The following CYP20A1 variants were observed in gnomAD, a reference collection of about 807,000 sequenced individuals.
CYP20A1 encodes the protein cytochrome P450 family 20 subfamily A member 1.
Under a neutral mutation model 61.4 loss-of-function variants are expected in CYP20A1, and 61 were observed. The ratio of observed to expected loss-of-function variants is 0.99; its 90% CI spans 0.81 to 1.23. The LOEUF is 1.23. Ranked by LOEUF, CYP20A1 falls within the 50% of genes most tolerant of loss-of-function variation. The probability of loss-of-function intolerance (pLI) is 0.00; values close to 1 mark genes in which losing one functional copy is unlikely to be tolerated. For synonymous variants in CYP20A1, 193 were observed against 188.2 expected, an observed-to-expected ratio of 1.03 and a Z score of -0.21; for missense variants, 530 against 542.4, an observed-to-expected ratio of 0.98 and a Z score of 0.23.
At chr2:203,271,236 C>A (rs189920248) in intron 5 of CYP20A1, among the ~76,000 whole-genome samples, 1 of 150,068 alleles carries the variant, frequency 6.7e-6, no homozygotes, top group Non-Finnish European at 1.5e-5. Context: ...TACAGGTGCC[C>A]GCCACCACGC....
chr2:203,295,290 G>A (rs989572045), intron 11 of CYP20A1, among the ~76,000 whole-genome samples: 1 of 151,672 alleles, frequency 6.6e-6, no homozygotes, highest in Non-Finnish European at 1.5e-5. Context: ...GCCCAGGCTG[G>A]TCTCGAATTC....
intron 8 of CYP20A1, among the ~76,000 whole-genome samples, chr2:203,280,676 G>A (rs1217347068): frequency 6.6e-6 from 1 of 152,204 alleles, no homozygotes; most frequent in Non-Finnish European, 1.5e-5. Flanking sequence ...ATTCCAGCCT[G>A]GGCAACAGAG....
intron 5 of CYP20A1, among the ~76,000 whole-genome samples, chr2:203,271,105 T>TTTTTTTTTA (rs2067578651): frequency 1.8e-5 from 2 of 111,584 alleles, no homozygotes; most frequent in Non-Finnish European, 3.5e-5. Context: ...TTTTTTTTTT[T>TTTTTTTTTA]GAGACGGAGT....
At chr2:203,247,117 C>T (rs993609622) in intron 3 of CYP20A1, among the ~76,000 whole-genome samples, 196 bp downstream of exon 3, 2 of 151,880 alleles carry the variant, frequency 1.3e-5, no homozygotes, top group Non-Finnish European at 2.9e-5. Context: ...AAACACTAGT[C>T]GGGTGTGGTG....
intron 11 of CYP20A1, among the ~76,000 whole-genome samples, chr2:203,292,585 A>C (rs2068583784): frequency 6.6e-6 from 1 of 152,054 alleles, no homozygotes; most frequent in Non-Finnish European, 1.5e-5. Flanking sequence ...CAGCCACCTA[A>C]GTAGCTAGGA....
intron 3 of CYP20A1, among the ~76,000 whole-genome samples, chr2:203,248,999 C>T (rs2066562574): frequency 6.6e-6 from 1 of 152,186 alleles, no homozygotes; most frequent in Non-Finnish European, 1.5e-5. Context: ...GTGTGAGCCA[C>T]TTCACCTGGC....
rs751765859 is a variant in CYP20A1, at chr2:203,285,685, A to G, written c.924A>G (p.Gln308=). The G allele has an allele frequency of 7.5e-6, 12 of 1,605,396 alleles. No individual in the cohort carries two copies. In the Admixed American group the frequency reaches 1.4e-4, roughly 19 times the overall value. ...VQKKLYEEIN[Q]VFGNGPVTPE... is the part of the protein sequence containing the mutation. ...AAAAATTATATGAAGAGATAAACCA[A>G]GTTTTTGGAAATGGTCCTGTTACTC... Residue 308 remains glutamine (Q), a synonymous_variant, in exon 9 of 13, where the codon CAA becomes CAG. Coordinates refer to ENST00000356079, the MANE Select transcript of CYP20A1 (RefSeq NM_177538.3).
intron 4 of CYP20A1, among the ~76,000 whole-genome samples, chr2:203,264,984 C>T (rs201364189): frequency 6.6e-6 from 1 of 152,198 alleles, no homozygotes; most frequent in African/African-American, 2.4e-5. Flanking sequence ...CCACCTCGGC[C>T]TCCCAAAGTG....
intron 5 of CYP20A1, among the ~76,000 whole-genome samples, chr2:203,270,416 G>A (rs1031678580): frequency 3.3e-5 from 5 of 151,460 alleles, no homozygotes; most frequent in Admixed American, 3.3e-4. Context: ...TGGGCTCAGG[G>A]GATCCTCTGA....
intron 1 of CYP20A1, among the ~76,000 whole-genome samples, chr2:203,239,674 A>C (rs1318363836): frequency 6.6e-6 from 1 of 152,120 alleles, no homozygotes; most frequent in African/African-American, 2.4e-5. Context: ...GCTCCAGGCA[A>C]ATGCTTCTTT....
At position 203,302,556 on chromosome 2, in the gene CYP20A1, CTT is replaced by C. The variant is rs1484184463; in HGVS notation, c.*5652_*5653del. 6.6e-6 allele frequency among the ~76,000 whole-genome samples: 1 copy of C among 152,054 alleles called. No homozygotes were observed. Among genetic ancestry groups the C allele is most frequent in the Non-Finnish European group, 1.5e-5 (1 of 68,012 alleles). ...CTCAAAAGATTCTAATATAGATACTCTTTTTATGCATATGTAATTTATATATA... is the reference window on the plus strand; with the variant it reads ...CTCAAAAGATTCTAATATAGATACTCTTTATGCATATGTAATTTATATATA... On this transcript the variant is annotated 3_prime_UTR_variant, in exon 13 of 13. Transcript: ENST00000356079.
chr2:203,278,542 A>G (rs771976898), intron 6 of CYP20A1, 31 bp from the exon 7 acceptor site: 3 of 1,094,722 alleles, frequency 2.7e-6, no homozygotes, highest in Non-Finnish European at 2.7e-6. Flanking sequence ...TAATGCTTGT[A>G]TTCTAAAATT....
rs570488629 is a variant in CYP20A1, at chr2:203,260,422, A to C, written c.433-6092A>C. ...TTTTTAGTAGAGACGGAGTTTCACCATGTTGGCCAGGCTGGTCTTGAACTC... is the reference window on the plus strand; with the variant it reads ...TTTTTAGTAGAGACGGAGTTTCACCCTGTTGGCCAGGCTGGTCTTGAACTC... On this transcript the variant is annotated intron_variant, in intron 4 of 12. Transcript: ENST00000356079. Among the ~76,000 whole-genome samples the C allele has an allele frequency of 3.3e-4, 50 of 151,504 alleles. 1 individual carries two copies. Among genetic ancestry groups the C allele is most frequent in the African/African-American group, 1.1e-3 (45 of 41,238 alleles).
chr2:203,273,400 A>G (rs976193651), intron 6 of CYP20A1, among the ~76,000 whole-genome samples: 1 of 152,196 alleles, frequency 6.6e-6, no homozygotes, highest in Admixed American at 6.5e-5. Flanking sequence ...ATTCATGAAG[A>G]TATTTTTGTA....
At chr2:203,282,577 C>T (rs545499500) in intron 8 of CYP20A1, among the ~76,000 whole-genome samples, 25 of 152,040 alleles carry the variant, frequency 1.6e-4, no homozygotes, top group African/African-American at 4.3e-4. Flanking sequence ...ACTTGTGCTC[C>T]GGACACCAAG....
At chr2:203,271,315 C>T (rs1336525623) in intron 5 of CYP20A1, among the ~76,000 whole-genome samples, 1 of 150,842 alleles carries the variant, frequency 6.6e-6, no homozygotes, top group Non-Finnish European at 1.5e-5. Flanking sequence ...GTCTTGAACT[C>T]CTGATCTCGT....
chr2:203,285,566 C>T, intron 8 of CYP20A1, 46 bp from the exon 9 acceptor site: 1 of 1,484,906 alleles, frequency 6.7e-7, no homozygotes, highest in Non-Finnish European at 8.9e-7. Flanking sequence ...ATACCCAAGC[C>T]ATGAGTTAGC....
At position 203,285,025 on chromosome 2, in the gene CYP20A1, G is replaced by A. The variant is rs1031268206; in HGVS notation, c.851-587G>A. On this transcript the variant is annotated intron_variant, in intron 8 of 12. Coordinates refer to ENST00000356079, the MANE Select transcript of CYP20A1 (RefSeq NM_177538.3). Reference sequence around the variant, plus strand: ...ATTCCCTCCCAAAGTGATCCCCTCCGTGTGATCCCCTCCCGAAGTGCTGGG... The same window carrying A: ...ATTCCCTCCCAAAGTGATCCCCTCCATGTGATCCCCTCCCGAAGTGCTGGG... Among the ~76,000 whole-genome samples, 8 of 151,964 alleles carry A rather than the reference G, an allele frequency of 5.3e-5. No homozygotes were observed. In the East Asian group the frequency reaches 1.2e-3, roughly 22 times the overall value.
At chr2:203,260,967 A>C (rs1016252910) in intron 4 of CYP20A1, among the ~76,000 whole-genome samples, 2 of 150,650 alleles carry the variant, frequency 1.3e-5, no homozygotes, top group East Asian at 3.9e-4. Context: ...CTTTTTTCTT[A>C]TTCTTTTTTT....
Sources: allele counts gnomAD v4.1 joint callset (sites outside exome capture counted in the v4.1 genomes callset), GRCh38; gene constraint gnomAD v4.1.1; transcripts MANE v1.5; gene names NCBI Gene and HGNC (gene_info 2026-07-23, HGNC 2026-07-21).